Variants in AGBL1 observed in about 807,000 individuals in gnomAD.
AGBL1 encodes the protein AGBL carboxypeptidase 1, also known as cytosolic carboxypeptidase 4.
Under a neutral mutation model 118.9 loss-of-function variants are expected in AGBL1, and 130 were observed. The ratio of observed to expected loss-of-function variants is 1.09; its 90% CI spans 0.95 to 1.26. The LOEUF is 1.26. Among genes scored for constraint, AGBL1 ranks in the 50% most tolerant of loss-of-function variants. AGBL1 has a pLI of 0.00. For missense variants in AGBL1, 1,584 were observed against 1,298.1 expected (o/e 1.22, Z -3.38); for synonymous variants, 555 against 478.9 (o/e 1.16, Z -2.08).
At position 86,455,256 on chromosome 15, in the gene AGBL1, T is replaced by G. The variant is rs1403868140; in HGVS notation, c.2555+57710T>G. 2.0e-5 allele frequency among the ~76,000 whole-genome samples: 3 copies of G among 152,138 alleles called. No homozygotes were observed. The East Asian group carries it at 5.8e-4, about 29-fold the overall frequency. ...TACATAGGAGGCACACCATAAATAT[T>G]GATTGAGTAGTAGAACAAAACTTAT... On this transcript the variant is annotated intron_variant, in intron 18 of 22. Coordinates refer to ENST00000614907, the MANE Select transcript of AGBL1 (RefSeq NM_001386094.1).
intron 21 of AGBL1, among the ~76,000 whole-genome samples, chr15:86,659,833 C>G (rs963148786): frequency 1.3e-5 from 2 of 152,198 alleles, no homozygotes; most frequent in African/African-American, 2.4e-5. Context: ...CAGCTGTTCC[C>G]TCCTGAGCAC....
chr15:86,986,213 G>A (rs757912691), intron 23 of AGBL1, among the ~76,000 whole-genome samples: 23 of 152,040 alleles, frequency 1.5e-4, no homozygotes, highest in Admixed American at 6.6e-4. Flanking sequence ...CGTGAGCCAC[G>A]GCGCCCGGCC....
At chr15:86,191,021 G>T (rs912081629) in intron 5 of AGBL1, among the ~76,000 whole-genome samples, 7 of 152,034 alleles carry the variant, frequency 4.6e-5, no homozygotes, top group Admixed American at 2.0e-4. Flanking sequence ...AGAATGAGCT[G>T]GTAAGAAAGA....
rs1433120841 is a variant in AGBL1, at chr15:86,999,831, A to C, written c.3323+11743A>C. On this transcript the variant is annotated intron_variant, in intron 24 of 24. Transcript: ENST00000441037. ...ACTTCCACAATGGTTGAACTAGTTT[A>C]CAGTCCCACCAACAGTGTAAAAGTG... Among the ~76,000 whole-genome samples the C allele has an allele frequency of 6.3e-4, 83 of 131,356 alleles. 1 individual carries two copies. The highest frequency in any genetic ancestry group is 2.4e-3 in the African/African-American group (83 of 34,692). The allele number at this position is 131,356 out of a possible 152,430, so 86.2% of individuals were successfully genotyped here.
chr15:86,093,809 G>A (rs908108086), intron 1 of AGBL1, among the ~76,000 whole-genome samples: 14 of 152,246 alleles, frequency 9.2e-5, no homozygotes, highest in African/African-American at 3.4e-4. Flanking sequence ...TTTAATTGGA[G>A]TTCTGGAAGG....
chr15:86,562,755 T>C (rs940036863), intron 21 of AGBL1, among the ~76,000 whole-genome samples: 1 of 152,212 alleles, frequency 6.6e-6, no homozygotes, highest in Non-Finnish European at 1.5e-5. Context: ...AGAATTTGGC[T>C]GTGAATCCGT....
chr15:86,459,494 C>T (rs2082303265), intron 18 of AGBL1, among the ~76,000 whole-genome samples: 1 of 152,012 alleles, frequency 6.6e-6, no homozygotes, highest in Non-Finnish European at 1.5e-5. Flanking sequence ...AAACATTGGC[C>T]ATAAATTTCA....
At position 86,628,851 on chromosome 15, in the gene AGBL1, C is replaced by T. The variant is rs559422827; in HGVS notation, c.2995-45422C>T. On this transcript the variant is annotated intron_variant, in intron 21 of 22. Transcript: ENST00000614907. ...TATTTTTAAATGTCTTCAGCTTTAC[C>T]GAGGTACAATTGACAAATAAAATGT... Among the ~76,000 whole-genome samples the T allele has an allele frequency of 9.9e-5, 15 of 152,090 alleles. 1 individual carries two copies. The highest frequency in any genetic ancestry group is 3.4e-4 in the African/African-American group (14 of 41,492).
chr15:86,281,899 C>CCACAGTTTTTATCTTTAATGCTGAG (rs2079361494), intron 16 of AGBL1, among the ~76,000 whole-genome samples: 1 of 152,112 alleles, frequency 6.6e-6, no homozygotes, highest in African/African-American at 2.4e-5. Flanking sequence ...AACCACCAGC[C>CCACAGTTTTTATCTTTAATGCTGAG]CACAGTTTTT....
At chr15:86,823,357 G>A (rs570157408) in intron 22 of AGBL1, among the ~76,000 whole-genome samples, 1 of 152,300 alleles carries the variant, frequency 6.6e-6, no homozygotes, top group South Asian at 2.1e-4. Flanking sequence ...CCTCAGGCCA[G>A]TAGAAGTAAC....
At chr15:86,406,999 A>G (rs1355662257) in intron 18 of AGBL1, among the ~76,000 whole-genome samples, 8 of 152,140 alleles carry the variant, frequency 5.3e-5, no homozygotes. Context: ...TTTATATTTG[A>G]TACATATTGT....
intron 24 of AGBL1, among the ~76,000 whole-genome samples, chr15:86,998,241 C>G (rs1401296443): frequency 6.6e-6 from 1 of 152,124 alleles, no homozygotes; most frequent in South Asian, 2.1e-4. Flanking sequence ...TGACTGGATA[C>G]AAAAGACTGT....
At chr15:86,256,086 A>C (rs2078890728) in intron 7 of AGBL1, among the ~76,000 whole-genome samples, 1 of 152,222 alleles carries the variant, frequency 6.6e-6, no homozygotes, top group African/African-American at 2.4e-5. Flanking sequence ...CAAAACATTT[A>C]CAAAGATACT....
intron 18 of AGBL1, among the ~76,000 whole-genome samples, chr15:86,423,667 T>C (rs2081823518): frequency 6.6e-6 from 1 of 152,222 alleles, no homozygotes; most frequent in Admixed American, 6.5e-5. Context: ...CTCCTTAAGC[T>C]GATAAGCAAC....
intron 18 of AGBL1, among the ~76,000 whole-genome samples, chr15:86,457,116 A>C (rs1327721271): frequency 6.6e-6 from 1 of 151,982 alleles, no homozygotes; most frequent in Non-Finnish European, 1.5e-5. Flanking sequence ...ATGCACTTCA[A>C]ATACGCATTC....
At chr15:86,383,917 T>C (rs2081146922) in intron 17 of AGBL1, among the ~76,000 whole-genome samples, 1 of 152,228 alleles carries the variant, frequency 6.6e-6, no homozygotes, top group African/African-American at 2.4e-5. Flanking sequence ...ATTTCAAAGT[T>C]TTCTGAATTA....
chr15:86,952,244 T>A (rs141624086), intron 23 of AGBL1, among the ~76,000 whole-genome samples: 201 of 150,932 alleles, frequency 1.3e-3, no homozygotes, highest in East Asian at 2.3e-3. Flanking sequence ...AAAAAAAAAA[T>A]TTTTTTGTCA....
chr15:86,860,585 ACTACACGACTAC>A (rs2079546853), intron 22 of AGBL1, among the ~76,000 whole-genome samples: 1 of 152,080 alleles, frequency 6.6e-6, no homozygotes, highest in Non-Finnish European at 1.5e-5. Flanking sequence ...ACATGTTGGT[ACTACACGACTAC>A]AAATTATGCT....
At chr15:86,626,840 T>TC (rs1349202905) in intron 21 of AGBL1, among the ~76,000 whole-genome samples, 3 of 147,926 alleles carry the variant, frequency 2.0e-5, no homozygotes, top group East Asian at 2.0e-4. Flanking sequence ...ACTTTTCTTT[T>TC]TTTTTTTTTT....
Sources: allele counts gnomAD v4.1 joint callset (sites outside exome capture counted in the v4.1 genomes callset), GRCh38; gene constraint gnomAD v4.1.1; transcripts MANE v1.5; gene names NCBI Gene and HGNC (gene_info 2026-07-23, HGNC 2026-07-21).